The following MYH2 variants were observed in gnomAD, a reference collection of about 807,000 sequenced individuals.
MYH2 encodes myosin heavy chain 2.
A neutral mutation model predicts 228.1 loss-of-function variants in MYH2; 139 were observed. That is an observed-to-expected ratio of 0.61 (90% CI 0.53 to 0.70). MYH2 has a LOEUF of 0.70. Among genes scored for constraint, MYH2 ranks in the 30% least tolerant of loss-of-function variants. The pLI is 0.00. For missense variants in MYH2, 1,809 were observed against 2,357.5 expected, an observed-to-expected ratio of 0.77 and a Z score of 4.82; for synonymous variants, 796 against 871.1, an observed-to-expected ratio of 0.91 and a Z score of 1.52.
rs535253722 is a variant in MYH2 at position 10,534,463 on chromosome 17, T to C, written c.2180+610A>G. 5.9e-5 allele frequency among the ~76,000 whole-genome samples: 9 copies of C among 152,332 alleles called. No homozygotes were observed. The South Asian group carries it at 1.9e-3, about 32-fold the overall frequency. On this transcript the variant is annotated intron_variant, in intron 19 of 39. Coordinates refer to ENST00000245503, the MANE Select transcript of MYH2 (RefSeq NM_017534.6). Reference sequence around the variant, plus strand: ...ATAGTACCTACTTGCACTGTGTTTTTGCGAGGATTAAACAAGATAATCTGA... The same window carrying C: ...ATAGTACCTACTTGCACTGTGTTTTCGCGAGGATTAAACAAGATAATCTGA...
chr17:10,534,921 CAA>C, intron 19 of MYH2, 150 bp downstream of exon 19: 1 of 995,118 alleles, frequency 1.0e-6, no homozygotes, highest in Non-Finnish European at 1.6e-6. Flanking sequence ...TGTCTCAAAA[CAA>C]AAGTGTTCGA....
intron 28 of MYH2, 144 bp from the exon 29 acceptor site, chr17:10,527,200 C>A: frequency 1.4e-6 from 1 of 729,468 alleles, no homozygotes; most frequent in South Asian, 1.6e-5. Context: ...ATGCTCAATG[C>A]AGGTTTTCAG....
chr17:10,545,737 T>C (rs1424831404), intron 4 of MYH2, among the ~76,000 whole-genome samples: 3 of 152,142 alleles, frequency 2.0e-5, no homozygotes, highest in Non-Finnish European at 4.4e-5. Flanking sequence ...GCTAATTTTG[T>C]ACGTGCTTTT....
At chr17:10,534,593 G>C (rs2073461346) in intron 19 of MYH2, among the ~76,000 whole-genome samples, 1 of 152,182 alleles carries the variant, frequency 6.6e-6, no homozygotes, top group Non-Finnish European at 1.5e-5. Context: ...AATTCCACAA[G>C]GTGCTTAAAA....
rs150980885 is a variant in MYH2, at chr17:10,547,202, T to C, written c.348+273A>G. Among the ~76,000 whole-genome samples, 35 of 152,302 alleles carry C rather than the reference T, an allele frequency of 2.3e-4. No individual in the cohort carries two copies. In the East Asian group the frequency reaches 6.2e-3, roughly 27 times the overall value. On this transcript the variant is annotated intron_variant, in intron 4 of 39. Coordinates refer to ENST00000245503, the MANE Select transcript of MYH2 (RefSeq NM_017534.6). ...TGGGGAAAATTACCTGTGATTGAAA[T>C]ATAAGTAGTAACTGCTCAAATGCCT...
In MYH2 at chr17:10,525,286, T is replaced by C. The variant is rs2073336648; in HGVS notation, c.4600A>G (p.Lys1534Glu). Residue 1534 changes from lysine to glutamate, a missense_variant, in exon 33 of 40, where the codon AAA becomes GAA. Lys to Glu is a moderately conservative substitution (Grantham distance 56, BLOSUM62 1). This residue lies in a region of MYH2 where 636 missense variants were observed against 729.9 expected (regional missense o/e 0.87). Coordinates refer to ENST00000245503, the MANE Select transcript of MYH2 (RefSeq NM_017534.6). The surrounding 1 kb of genome is among the most constrained non-coding windows in gnomAD (Gnocchi z 4.2). ...TCTTGTTCCACTTGTTTCTTTATTT[T>C]CTCCAGTTCATGGATACGTTTCCCT... ...EGGKRIHELE[K>E]IKKQVEQEKC... is the part of the protein sequence containing the mutation. 2 of 1,614,066 alleles carry C rather than the reference T, an allele frequency of 1.2e-6. No individual in the cohort carries two copies. The highest frequency in any genetic ancestry group is 2.7e-5 in the African/African-American group (2 of 74,922).
At position 10,525,855 on chromosome 17, in the gene MYH2, C is replaced by A; in HGVS notation, c.4209G>T (p.Leu1403=). 1 of 1,614,198 alleles carries A rather than the reference C, an allele frequency of 6.2e-7. No homozygotes were observed. Among genetic ancestry groups the A allele is most frequent in the Admixed American group, 1.7e-5 (1 of 60,032 alleles). ...CTTCTACATGTTCCTCAGCTGCCTG[C>A]AGCCGCTGGGCCAGCTTCTTCCTTG... ...EEAKKKLAQR[L]QAAEEHVEAV... is the part of the protein sequence containing the mutation. Residue 1403 remains leucine (L), a synonymous_variant, in exon 31 of 40, where the codon CTG becomes CTT. Transcript: ENST00000245503. This position sits in a 1 kb window ranked among gnomAD's most constrained non-coding sequence, Gnocchi z 4.2.
In MYH2 at chr17:10,524,723, A is replaced by T. The variant is rs188567298; in HGVS notation, c.4971+34T>A. On this transcript the variant is annotated intron_variant, in intron 34 of 39. Transcript: ENST00000245503. This position sits in a 1 kb window ranked among gnomAD's most constrained non-coding sequence, Gnocchi z 4.7. Reference sequence around the variant, plus strand: ...ATGTTCTCAGGGTTGCAGGCACCCCAATAGTCCTGGGACCATCTCTTGGAC... The same window carrying T: ...ATGTTCTCAGGGTTGCAGGCACCCCTATAGTCCTGGGACCATCTCTTGGAC... 8.1e-6 allele frequency: 13 copies of T among 1,614,252 alleles called. No individual in the cohort carries two copies. In the Admixed American group the frequency reaches 1.7e-4, roughly 21 times the overall value.
chr17:10,532,011 A>AC (rs2073430643), intron 21 of MYH2, 123 bp from the exon 22 acceptor site: 1 of 1,254,516 alleles, frequency 8.0e-7, no homozygotes, highest in East Asian at 2.3e-5. Flanking sequence ...TGCAGATGAA[A>AC]AAATTCTATT....
chr17:10,525,519 A>T lies in MYH2; in HGVS notation c.4469T>A (p.Ile1490Lys). The T allele has an allele frequency of 1.2e-6, 2 of 1,614,228 alleles. No homozygotes were observed. The highest frequency in any genetic ancestry group is 1.7e-6 in the Non-Finnish European group (2 of 1,180,046). ...CAAAGATTCCTCATAGGCATTCTTT[A>T]TCTTGAACAGCTCAGTGCCAAGGGA... ...ARSLGTELFK[I>K]KNAYEESLDQ... Residue 1490 changes from isoleucine to lysine, a missense_variant, in exon 32 of 40, where the codon ATA (isoleucine) becomes AAA (lysine). Physicochemically the swap from Ile to Lys is moderately radical, Grantham distance 102. Around this residue, in one of 9 missense-constraint regions of MYH2, gnomAD observed 636 missense variants for 729.9 expected, o/e 0.87. Transcript: ENST00000245503. The surrounding 1 kb of genome is among the most constrained non-coding windows in gnomAD (Gnocchi z 4.2).
chr17:10,537,096 G>T lies in MYH2; in HGVS notation c.1897+137C>A. 8.6e-7 allele frequency: 1 copy of T among 1,157,588 alleles called. No individual in the cohort carries two copies. The highest frequency in any genetic ancestry group is 1.3e-6 in the Non-Finnish European group (1 of 781,310). 71.7% of individuals were successfully genotyped at this position (1,157,588 alleles called of 1,614,324 possible). The stretch of plus-strand genomic sequence containing the variant: ...TGAGCCACAAATGTATAATTACAAG[G>T]CTGCCTATCTATTCAATACTTGGAG... On this transcript the variant is annotated intron_variant, in intron 16 of 39. Transcript: ENST00000245503. The surrounding 1 kb of genome is among the most constrained non-coding windows in gnomAD (Gnocchi z 4.0).
intron 4 of MYH2, among the ~76,000 whole-genome samples, 170 bp downstream of exon 4, chr17:10,547,305 C>A (rs926277968): frequency 1.3e-5 from 2 of 152,132 alleles, no homozygotes; most frequent in African/African-American, 2.4e-5. Flanking sequence ...CAAGGAAGTG[C>A]TGGCTGTTGA....
rs368119845 is a variant in MYH2, at chr17:10,523,296, T to C, written c.5577+12A>G. 27 of 1,614,000 alleles carry C rather than the reference T, an allele frequency of 1.7e-5. No individual in the cohort carries two copies. The African/African-American group carries it at 2.9e-4, about 18-fold the overall frequency. ...CGACCAGTGCTTAGCCGCTAAAAAC[T>C]ACTGGCTGTACCTGGTAAGTGAGTT... On this transcript the variant is annotated intron_variant, in intron 38 of 39. Transcript: ENST00000245503.
In MYH2 at chr17:10,530,064, C is replaced by T. The variant is rs751758840; in HGVS notation, c.2708G>A (p.Gly903Asp). Reference sequence around the variant, plus strand: ...ACACCTTTCCTCTGCATCAGCCAAGCCTTCGGCTTCCTTAAGTTGGAAACA... The same window carrying T: ...ACACCTTTCCTCTGCATCAGCCAAGTCTTCGGCTTCCTTAAGTTGGAAACA... ...LQLQVQAEAE[G>D]LADAEERCDQ... is the part of the protein sequence containing the mutation. Residue 903 changes from glycine to aspartate, a missense_variant, in exon 23 of 40, where the codon GGC (glycine) becomes GAC (aspartate). Around this residue, in one of 9 missense-constraint regions of MYH2, gnomAD observed 276 missense variants for 344.2 expected, o/e 0.80. Coordinates refer to ENST00000245503, the MANE Select transcript of MYH2 (RefSeq NM_017534.6). 6.2e-7 allele frequency: 1 copy of T among 1,614,230 alleles called. No homozygotes were observed. The highest frequency in any genetic ancestry group is 8.5e-7 in the Non-Finnish European group (1 of 1,180,044).
At chr17:10,530,286 G>T (rs953564290) in intron 22 of MYH2, among the ~76,000 whole-genome samples, 4 of 152,166 alleles carry the variant, frequency 2.6e-5, no homozygotes, top group Admixed American at 2.0e-4. Context: ...TCCCCTAAAA[G>T]AATGTATTCT....
Position 10,547,828 on chromosome 17 carries a change from G to C in MYH2, c.93C>G (p.Pro31=), listed in dbSNP as rs760901652. Residue 31 remains proline, a synonymous_variant, in exon 3 of 40, where the codon CCC becomes CCG. Transcript: ENST00000245503. ...ERERIEAQNR[P]FDAKTSVFVA... is the part of the protein sequence containing the mutation. ...CAAAGACAGATGTTTTGGCATCAAA[G>C]GGCCTATTCTGGGCCTCAATGCGCT... is the stretch of plus-strand genomic sequence containing the variant. 6.2e-7 allele frequency: 1 copy of C among 1,614,156 alleles called. No individual in the cohort carries two copies. The highest frequency in any genetic ancestry group is 2.2e-5 in the East Asian group (1 of 44,870).
chr17:10,539,627 T>C, intron 12 of MYH2, 65 bp from the exon 13 acceptor site: 1 of 1,446,814 alleles, frequency 6.9e-7, no homozygotes, highest in South Asian at 1.1e-5. Flanking sequence ...CTTAAAAATA[T>C]TTTTTAAACT....
rs1185641474 is a variant in MYH2 at position 10,523,362 on chromosome 17, C to T, written c.5523G>A (p.Glu1841=). The T allele has an allele frequency of 6.2e-7, 1 of 1,614,226 alleles. No homozygotes were observed. Among genetic ancestry groups the T allele is most frequent in the East Asian group, 2.2e-5 (1 of 44,884 alleles). ...EVESEQKRNA[E]AVKGLRKHER... ...CATGTTTGCGCAGACCTTTGACAGC[C>T]TCAGCATTACGCTTTTGCTCACTCT... The change falls in exon 38 of 40, where the codon GAG becomes GAA. Residue 1841 remains glutamate, a synonymous_variant. Transcript: ENST00000245503.
In MYH2 at chr17:10,524,035, T is replaced by A; in HGVS notation, c.5176-151A>T. The A allele has an allele frequency of 1.3e-6, 1 of 751,868 alleles. No homozygotes were observed. 46.6% of individuals were successfully genotyped at this position (751,868 alleles called of 1,614,324 possible). A position where few individuals can be genotyped will look rare whatever the true frequency, so the allele number is the denominator to read the frequency against. On this transcript the variant is annotated intron_variant, in intron 35 of 39. Coordinates refer to ENST00000245503, the MANE Select transcript of MYH2 (RefSeq NM_017534.6). The surrounding 1 kb of genome is among the most constrained non-coding windows in gnomAD (Gnocchi z 4.7). ...AAAGGATTGTGTTATGTAATATGAT[T>A]AAATAAAATATAAATGTTATAGAAT...
Sources: allele counts gnomAD v4.1 joint callset (sites outside exome capture counted in the v4.1 genomes callset), GRCh38; gene constraint gnomAD v4.1.1; regional missense constraint gnomAD v4.1.1; non-coding constraint Gnocchi (gnomAD v3.1); transcripts MANE v1.5; gene names NCBI Gene and HGNC (gene_info 2026-07-23, HGNC 2026-07-21).